Variants in PLEKHA5 observed in about 807,000 individuals in gnomAD.
PLEKHA5 encodes the protein pleckstrin homology domain containing A5, also known as pleckstrin homology domain-containing family A member 5.
Under a neutral mutation model 181.9 loss-of-function variants are expected in PLEKHA5, and 55 were observed. The ratio of observed to expected loss-of-function variants is 0.30; its 90% CI spans 0.24 to 0.38. PLEKHA5 has a LOEUF of 0.38. Among genes scored for constraint, PLEKHA5 ranks in the 10% least tolerant of loss-of-function variants. PLEKHA5 has a pLI of 1.00. For missense variants in PLEKHA5, 1,432 were observed against 1,549.5 expected, an observed-to-expected ratio of 0.92 and a Z score of 1.27; for synonymous variants, 535 against 529.4, an observed-to-expected ratio of 1.01 and a Z score of -0.15.
chr12:19,247,861 C>A (rs1172357803), intron 3 of PLEKHA5, among the ~76,000 whole-genome samples: 1 of 151,020 alleles, frequency 6.6e-6, no homozygotes, highest in Non-Finnish European at 1.5e-5. Flanking sequence ...TTTTCTTTAG[C>A]CCTGGAAGCT....
chr12:19,291,656 T>C lies in PLEKHA5; in HGVS notation c.1996T>C (p.Ser666Pro), dbSNP rs1215843897. 3 of 1,517,198 alleles carry C rather than the reference T, an allele frequency of 2.0e-6. No individual in the cohort carries two copies. The highest frequency in any genetic ancestry group is 2.7e-6 in the Non-Finnish European group (3 of 1,130,792). 94.0% of individuals were successfully genotyped at this position (1,517,198 alleles called of 1,614,324 possible). A position where few individuals can be genotyped will look rare whatever the true frequency, so the allele number is the denominator to read the frequency against. ...TGGTGCCTACTAGAATGAAATTCTT[T>C]CACATCATCTCCAAAGGAACACCAT... ...EAHSPKNEIL[S>P]HHLQRNTIYL... Residue 666 changes from serine to proline, a missense_variant, in exon 15 of 32, where the codon TCA becomes CCA. Coordinates refer to ENST00000429027, the MANE Select transcript of PLEKHA5 (RefSeq NM_001256470.2).
chr12:19,322,362 A>G lies in PLEKHA5; in HGVS notation c.2270A>G (p.Glu757Gly). The stretch of plus-strand genomic sequence containing the variant: ...GATAAAGTGGTGCATGCTCTGGAAG[A>G]GAAACTTCAGCAACTCCACAAGGAG... Reference protein sequence around the residue: ...EQDKVVHALEEKLQQLHKEKY... With the variant: ...EQDKVVHALEGKLQQLHKEKY... Residue 757 changes from glutamate to glycine, a missense_variant, in exon 19 of 32, where the codon GAG (glutamate) becomes GGG (glycine). Physicochemically the swap from Glu to Gly is moderately conservative, Grantham distance 98 (BLOSUM62 -2). This residue lies in a region of PLEKHA5 where 1,143 missense variants were observed against 1,168.4 expected (regional missense o/e 0.98). Coordinates refer to ENST00000429027, the MANE Select transcript of PLEKHA5 (RefSeq NM_001256470.2). The G allele has an allele frequency of 6.2e-7, 1 of 1,613,380 alleles. No individual in the cohort carries two copies. The highest frequency in any genetic ancestry group is 8.5e-7 in the Non-Finnish European group (1 of 1,179,330).
chr12:19,200,744 C>T (rs146111945), intron 3 of PLEKHA5: 1 of 841,632 alleles, frequency 1.2e-6, no homozygotes, highest in East Asian at 1.2e-4. Flanking sequence ...CCAAGGAATT[C>T]ACTGGGGGAA....
chr12:19,351,272 C>T (rs960080324), intron 25 of PLEKHA5, among the ~76,000 whole-genome samples: 1 of 152,272 alleles, frequency 6.6e-6, no homozygotes, highest in African/African-American at 2.4e-5. Context: ...AATGATGGCT[C>T]ATTCCTGTAA....
intron 15 of PLEKHA5, among the ~76,000 whole-genome samples, chr12:19,311,661 A>G (rs767990024): frequency 2.0e-5 from 3 of 152,112 alleles, no homozygotes; most frequent in Non-Finnish European, 4.4e-5. Flanking sequence ...GATTGAAGCA[A>G]TTCGCTCACA....
chr12:19,283,286 T>G lies in PLEKHA5; in HGVS notation c.1320T>G (p.Ile440Met), dbSNP rs745375311. Residue 440 changes from isoleucine to methionine, a missense_variant, in exon 12 of 32, where the codon ATT becomes ATG. By Grantham distance (10) the Ile-to-Met change is conservative. Transcript: ENST00000429027. ...AATTATTTTTTTATTTTAGAGTAATTTCTTACCAAACATTACCAAGAAATA... is the reference window on the plus strand; with the variant it reads ...AATTATTTTTTTATTTTAGAGTAATGTCTTACCAAACATTACCAAGAAATA... ...RGHEEETRGVISYQTLPRNMP... is the reference protein window; with the variant it reads ...RGHEEETRGVMSYQTLPRNMP... 1.9e-6 allele frequency: 3 copies of G among 1,590,850 alleles called. No homozygotes were observed. The African/African-American group carries it at 4.1e-5, about 22-fold the overall frequency.
At chr12:19,132,074 A>G (rs1208692744) in intron 2 of PLEKHA5, among the ~76,000 whole-genome samples, 1 of 152,116 alleles carries the variant, frequency 6.6e-6, no homozygotes, top group Non-Finnish European at 1.5e-5. Flanking sequence ...CTAGTCATTC[A>G]TGAGTGTTCC....
intron 30 of PLEKHA5, among the ~76,000 whole-genome samples, chr12:19,367,998 ATTC>A (rs1172865805): frequency 1.3e-5 from 2 of 152,130 alleles, no homozygotes; most frequent in Non-Finnish European, 2.9e-5. Flanking sequence ...ATTCAGGACC[ATTC>A]TTCTTAGGAA....
At chr12:19,132,824 G>A (rs1241015860) in intron 3 of PLEKHA5, among the ~76,000 whole-genome samples, 1 of 134,476 alleles carries the variant, frequency 7.4e-6, no homozygotes, top group African/African-American at 2.7e-5. Context: ...GGGTAATAGA[G>A]GATTATTGGT....
chr12:19,213,852 A>G (rs922722566), intron 3 of PLEKHA5, among the ~76,000 whole-genome samples: 1 of 152,176 alleles, frequency 6.6e-6, no homozygotes, highest in Non-Finnish European at 1.5e-5. Flanking sequence ...TTCAGGGGAA[A>G]AACAGGTTTA....
chr12:19,266,634 AT>A (rs2070524952), intron 8 of PLEKHA5, among the ~76,000 whole-genome samples: 1 of 151,986 alleles, frequency 6.6e-6, no homozygotes, highest in South Asian at 2.1e-4. Flanking sequence ...AATTACAAAA[AT>A]TAGCCAGGTG....
intron 5 of PLEKHA5, 36 bp downstream of exon 5, chr12:19,255,201 G>T: frequency 6.9e-7 from 1 of 1,441,872 alleles, no homozygotes; most frequent in South Asian, 1.4e-5. Context: ...TATTGATAAG[G>T]AGTAAACAGT....
intron 3 of PLEKHA5, among the ~76,000 whole-genome samples, chr12:19,191,720 C>G (rs534026913): frequency 2.6e-5 from 4 of 152,252 alleles, no homozygotes; most frequent in African/African-American, 4.8e-5. Context: ...GGTTCTCTTA[C>G]GAGGTTGGAT....
rs117089965 is a variant in PLEKHA5, at chr12:19,338,696, C to A, written c.2550+2080C>A. On this transcript the variant is annotated intron_variant, in intron 21 of 31. Coordinates refer to ENST00000429027, the MANE Select transcript of PLEKHA5 (RefSeq NM_001256470.2). ...TTTAAATGGCCACATGTGGCTGGGA[C>A]TTCTGTATTGGACACTGAAGTTACA... is the stretch of plus-strand genomic sequence containing the variant. 4.7e-3 allele frequency among the ~76,000 whole-genome samples: 709 copies of A among 151,674 alleles called. 3 individuals are homozygous for A. Among genetic ancestry groups the A allele is most frequent in the Admixed American group, 8.3e-3 (126 of 15,258 alleles).
At chr12:19,135,398 A>G (rs1211963139) in intron 3 of PLEKHA5, among the ~76,000 whole-genome samples, 1 of 152,118 alleles carries the variant, frequency 6.6e-6, no homozygotes, top group African/African-American at 2.4e-5. Flanking sequence ...GGCAACCTCT[A>G]AATTCCATTT....
At chr12:19,237,323 A>T (rs1322997320) in intron 3 of PLEKHA5, among the ~76,000 whole-genome samples, 2 of 152,276 alleles carry the variant, frequency 1.3e-5, no homozygotes. Flanking sequence ...TTTAGGCTAC[A>T]TGAATACATA....
At chr12:19,196,801 C>CTTTTTTTT (rs769847463) in intron 3 of PLEKHA5, among the ~76,000 whole-genome samples, 1 of 109,060 alleles carries the variant, frequency 9.2e-6, no homozygotes, top group African/African-American at 3.3e-5. Context: ...CTTGTTTTTT[C>CTTTTTTTT]TTTTTTTTTT....
At chr12:19,230,412 C>T (rs796353485) in intron 3 of PLEKHA5, among the ~76,000 whole-genome samples, 9 of 152,198 alleles carry the variant, frequency 5.9e-5, no homozygotes, top group South Asian at 2.1e-4. Context: ...AGAGCGGGGG[C>T]GGTGCTCGTC....
chr12:19,318,116 G>A (rs966450326), intron 16 of PLEKHA5, among the ~76,000 whole-genome samples: 5 of 150,332 alleles, frequency 3.3e-5, no homozygotes, highest in Admixed American at 6.6e-5. Context: ...TTCTATGAAG[G>A]CGTTTTTTGT....
Sources: allele counts gnomAD v4.1 joint callset (sites outside exome capture counted in the v4.1 genomes callset), GRCh38; gene constraint gnomAD v4.1.1; regional missense constraint gnomAD v4.1.1; transcripts MANE v1.5; gene names NCBI Gene and HGNC (gene_info 2026-07-23, HGNC 2026-07-21).